The following BPNT1 variants were observed in gnomAD, a reference collection of about 807,000 sequenced individuals.
BPNT1 encodes the protein 3'(2'),5'-bisphosphate nucleotidase 1.
A neutral mutation model predicts 36.9 loss-of-function variants in BPNT1; 28 were observed. The observed-to-expected ratio is 0.76, with a 90% confidence interval of 0.56 to 1.04. BPNT1 has a LOEUF of 1.04. BPNT1 is among the 50% of genes least tolerant of loss of function. The probability of loss-of-function intolerance (pLI) is 0.00; values close to 1 mark genes in which losing one functional copy is unlikely to be tolerated. For missense variants in BPNT1, 313 were observed against 372.9 expected, an observed-to-expected ratio of 0.84 and a Z score of 1.32; for synonymous variants, 119 against 130.9, an observed-to-expected ratio of 0.91 and a Z score of 0.62.
Position 220,058,847 on chromosome 1 carries a change from A to G in BPNT1, c.924T>C (p.Pro308=). The G allele has an allele frequency of 6.2e-7, 1 of 1,614,006 alleles. No homozygotes were observed. Among genetic ancestry groups the G allele is most frequent in the Non-Finnish European group, 8.5e-7 (1 of 1,179,920 alleles). The change falls in exon 9 of 9, where the codon CCT becomes CCC. Residue 308 remains proline (P), a synonymous_variant. Coordinates refer to ENST00000322067, the MANE Select transcript of BPNT1 (RefSeq NM_006085.6). The part of the protein sequence containing the change: ...VPESIKNALV[P] ...CCCGGCCAAATGAAACTTTCCTTTA[A>G]GGAACAAGTGCATTTTTAATAGATT...
At chr1:220,077,322 C>T (rs937896822) in intron 2 of BPNT1, among the ~76,000 whole-genome samples, 3 of 152,040 alleles carry the variant, frequency 2.0e-5, no homozygotes, top group African/African-American at 7.2e-5. Context: ...CCTCTATTTC[C>T]TCTATGAGCA....
At chr1:220,073,900 T>TAA in intron 3 of BPNT1, 67 bp downstream of exon 3, 1 of 1,312,170 alleles carries the variant, frequency 7.6e-7, no homozygotes, top group Non-Finnish European at 1.1e-6. Context: ...TATAAATCAT[T>TAA]AAAGTGTCAG....
chr1:220,088,925 C>T (rs1656027143), intron 1 of BPNT1, among the ~76,000 whole-genome samples: 1 of 151,126 alleles, frequency 6.6e-6, no homozygotes, highest in Non-Finnish European at 1.5e-5. Flanking sequence ...CGGTGAAACC[C>T]CGTCTCTACT....
At position 220,073,983 on chromosome 1, in the gene BPNT1, G is replaced by GT. The variant is rs1266575934; in HGVS notation, c.208dup (p.Thr70AsnfsTer11). 8 of 1,613,774 alleles carry GT rather than the reference G, an allele frequency of 5.0e-6. No homozygotes were observed. Among genetic ancestry groups the GT allele is most frequent in the Non-Finnish European group, 6.8e-6 (8 of 1,179,942 alleles). On this transcript the variant is annotated frameshift_variant, in exon 3 of 9. Coordinates refer to ENST00000322067, the MANE Select transcript of BPNT1 (RefSeq NM_006085.6). LOFTEE classifies it high-confidence loss of function. ...GACGCTTACCTCTTCCCCTATAATT[G>GT]TGAGTTTGGGGAATTTCCGGGCCAA... is the stretch of plus-strand genomic sequence containing the variant.
rs1398064481 is a variant in BPNT1, at chr1:220,069,792, C to T, written c.334-360G>A. On this transcript the variant is annotated intron_variant, in intron 4 of 8. Transcript: ENST00000322067. ...CTCTACTAAAAATACAAAAATTAGCCGGGCGTGGTGGTGGGTGGCTGTAAT... is the reference window on the plus strand; with the variant it reads ...CTCTACTAAAAATACAAAAATTAGCTGGGCGTGGTGGTGGGTGGCTGTAAT... Among the ~76,000 whole-genome samples, 5 of 151,948 alleles carry T rather than the reference C, an allele frequency of 3.3e-5. No individual in the cohort carries two copies. The South Asian group carries it at 1.0e-3, about 32-fold the overall frequency.
chr1:220,058,895 G>C lies in BPNT1; in HGVS notation c.876C>G (p.Asp292Glu). The C allele has an allele frequency of 6.2e-7, 1 of 1,614,068 alleles. No individual in the cohort carries two copies. Among genetic ancestry groups the C allele is most frequent in the Non-Finnish European group, 8.5e-7 (1 of 1,179,974 alleles). ...AGVLATLRNY[D>E]YYASRVPESI... Reference sequence around the variant, plus strand: ...ATTCTGGAACTCGGCTTGCATAGTAGTCATAATTCCTCAGTGTGGCCAGGA... The same window carrying C: ...ATTCTGGAACTCGGCTTGCATAGTACTCATAATTCCTCAGTGTGGCCAGGA... Residue 292 changes from aspartate (D) to glutamate (E), a missense_variant, in exon 9 of 9, where the codon GAC becomes GAG. Asp to Glu is a conservative substitution (Grantham distance 45, BLOSUM62 2). Transcript: ENST00000322067.
At chr1:220,063,354 CATG>C (rs1357007085) in intron 6 of BPNT1, among the ~76,000 whole-genome samples, 1 of 152,040 alleles carries the variant, frequency 6.6e-6, no homozygotes, top group Non-Finnish European at 1.5e-5. Flanking sequence ...TCTCAAAAAA[CATG>C]ATAATGTTAT....
At chr1:220,078,464 TAAA>T (rs1260321727) in intron 2 of BPNT1, among the ~76,000 whole-genome samples, 1 of 115,454 alleles carries the variant, frequency 8.7e-6, no homozygotes, top group Non-Finnish European at 1.7e-5. Context: ...ATATAAATAA[TAAA>T]TAATTTATAA....
intron 2 of BPNT1, among the ~76,000 whole-genome samples, chr1:220,075,590 A>T (rs1664470774): frequency 6.6e-6 from 1 of 152,186 alleles, no homozygotes; most frequent in Non-Finnish European, 1.5e-5. Context: ...GTTAAATACC[A>T]ATCAAGTTTG....
At position 220,058,619 on chromosome 1, in the gene BPNT1, C is replaced by G. The variant is rs1456232454; in HGVS notation, c.*225G>C. ...CGATCTCAGCTCACTGCAACCTCTG[C>G]CTTCCGGGCTCAAGAGATTCTTCTG... On this transcript the variant is annotated 3_prime_UTR_variant, in exon 9 of 9. Transcript: ENST00000322067. 6.3e-6 allele frequency: 5 copies of G among 791,664 alleles called. No homozygotes were observed. Among genetic ancestry groups the G allele is most frequent in the Non-Finnish European group, 8.6e-6 (5 of 581,860 alleles). 49.0% of individuals were successfully genotyped at this position (791,664 alleles called of 1,614,324 possible).
chr1:220,073,644 C>A (rs1006189580), intron 3 of BPNT1, among the ~76,000 whole-genome samples: 1 of 151,994 alleles, frequency 6.6e-6, no homozygotes, highest in Non-Finnish European at 1.5e-5. Context: ...TGCAAATAAG[C>A]CTAATTTTAA....
chr1:220,065,100 G>A lies in BPNT1; in HGVS notation c.475-2146C>T, dbSNP rs111767259. Among the ~76,000 whole-genome samples, 420 of 152,246 alleles carry A rather than the reference G, an allele frequency of 2.8e-3. 3 individuals are homozygous for A. Among genetic ancestry groups the A allele is most frequent in the African/African-American group, 9.7e-3 (402 of 41,540 alleles). On this transcript the variant is annotated intron_variant, in intron 6 of 8. Transcript: ENST00000322067. ...TGGGATTACAGGCGTGAGCCACCAC[G>A]CCCAACCAAGAAACCTATTTATTAA...
chr1:220,061,706 G>T (rs930069659), intron 7 of BPNT1, among the ~76,000 whole-genome samples: 3 of 152,038 alleles, frequency 2.0e-5, no homozygotes, highest in African/African-American at 7.2e-5. Flanking sequence ...CACATCCAGA[G>T]GTGGGTAGAA....
At chr1:220,063,036 A>G in intron 6 of BPNT1, 82 bp from the exon 7 acceptor site, 3 of 1,428,788 alleles carry the variant, frequency 2.1e-6, no homozygotes, top group East Asian at 4.6e-5. Context: ...CAGTTATATT[A>G]GCATCATGAT....
intron 6 of BPNT1, among the ~76,000 whole-genome samples, chr1:220,065,184 T>C (rs1257455759): frequency 6.6e-6 from 1 of 152,128 alleles, no homozygotes; most frequent in Non-Finnish European, 1.5e-5. Context: ...GACACGAATA[T>C]TTTGGGCCCT....
At chr1:220,062,184 G>A (rs1452695769) in intron 7 of BPNT1, among the ~76,000 whole-genome samples, 1 of 150,302 alleles carries the variant, frequency 6.7e-6, no homozygotes, top group Non-Finnish European at 1.5e-5. Flanking sequence ...GGGTACATGT[G>A]CACAATGTGC....
At chr1:220,059,232 C>G (rs1571717326) in intron 8 of BPNT1, among the ~76,000 whole-genome samples, 1 of 139,804 alleles carries the variant, frequency 7.2e-6, no homozygotes, top group South Asian at 2.2e-4. Context: ...TTTTATTTAG[C>G]ATTTTCTTTT....
intron 7 of BPNT1, among the ~76,000 whole-genome samples, chr1:220,061,484 A>G (rs1001739355): frequency 6.7e-6 from 1 of 149,898 alleles, no homozygotes; most frequent in East Asian, 2.0e-4. Context: ...CAGTGAGCCG[A>G]GATTGTGCCA....
chr1:220,086,250 G>C (rs971420496), intron 1 of BPNT1, among the ~76,000 whole-genome samples: 1 of 152,072 alleles, frequency 6.6e-6, no homozygotes, highest in Non-Finnish European at 1.5e-5. Flanking sequence ...ATAAATGGCA[G>C]GGCAGTCGCT....
Sources: gnomAD v4.1 joint callset for allele counts (sites outside exome capture counted in the v4.1 genomes callset) on GRCh38, gnomAD v4.1.1 for gene constraint, MANE v1.5 for transcripts, NCBI Gene and HGNC (gene_info 2026-07-23, HGNC 2026-07-21) for gene names.